Variants in CDH23 observed in about 807,000 individuals in gnomAD.
CDH23 encodes the protein cadherin related 23.
A neutral mutation model predicts 317.1 loss-of-function variants in CDH23; 189 were observed. The ratio of observed to expected loss-of-function variants is 0.60; its 90% confidence interval spans 0.53 to 0.67. CDH23 has a LOEUF of 0.67. Ranked by LOEUF, CDH23 falls within the 30% of genes least tolerant of loss-of-function variation. The probability of loss-of-function intolerance (pLI) is 0.00; values close to 1 mark genes in which losing one functional copy is unlikely to be tolerated. For missense variants in CDH23, 4,401 were observed against 4,592.4 expected, an observed-to-expected ratio of 0.96 and a Z score of 1.20; for synonymous variants, 1,839 against 1,876.8, an observed-to-expected ratio of 0.98 and a Z score of 0.52.
At chr10:71,607,207 T>A (rs963721652) in intron 9 of CDH23, among the ~76,000 whole-genome samples, 1 of 152,248 alleles carries the variant, frequency 6.6e-6, no homozygotes, top group Admixed American at 6.5e-5. Context: ...CAAGCCAGCC[T>A]GCCCCAGGGG....
intron 38 of CDH23, chr10:71,752,019 A>C: frequency 1.2e-6 from 1 of 849,436 alleles, no homozygotes; most frequent in Non-Finnish European, 1.9e-6. Flanking sequence ...CCAGGCCCAC[A>C]GAGCAAAGGC....
chr10:71,639,745 G>A (rs1001717802), intron 11 of CDH23, among the ~76,000 whole-genome samples: 1 of 152,130 alleles, frequency 6.6e-6, no homozygotes, highest in Non-Finnish European at 1.5e-5. Context: ...TGTCATAGCC[G>A]GGCTTCACAA....
chr10:71,436,189 C>A (rs529748550), intron 1 of CDH23, among the ~76,000 whole-genome samples: 1 of 152,364 alleles, frequency 6.6e-6, no homozygotes, highest in Admixed American at 6.5e-5. Context: ...GCAGTCCCTG[C>A]CAATCCTGCA....
chr10:71,517,034 G>A (rs533654574), intron 6 of CDH23, among the ~76,000 whole-genome samples: 21 of 152,332 alleles, frequency 1.4e-4, no homozygotes, highest in East Asian at 3.9e-4. Context: ...CAGGCCTGGC[G>A]TATGGACTGT....
At chr10:71,449,902 C>T (rs949196903) in intron 3 of CDH23, among the ~76,000 whole-genome samples, 4 of 152,238 alleles carry the variant, frequency 2.6e-5, no homozygotes, top group Non-Finnish European at 5.9e-5. Flanking sequence ...ATCTCAGGCT[C>T]CAGTTCCCTC....
intron 3 of CDH23, among the ~76,000 whole-genome samples, chr10:71,477,682 C>T (rs1379103754): frequency 6.6e-6 from 1 of 152,224 alleles, no homozygotes; most frequent in Non-Finnish European, 1.5e-5. Flanking sequence ...GCACCTCAGA[C>T]ACCAAGTCTT....
Position 71,732,025 on chromosome 10 carries a change from G to C in CDH23, c.3754G>C (p.Ala1252Pro). The C allele has an allele frequency of 6.2e-7, 1 of 1,613,970 alleles. No homozygotes were observed. Among genetic ancestry groups the C allele is most frequent in the Non-Finnish European group, 8.5e-7 (1 of 1,179,874 alleles). Residue 1252 changes from alanine (A) to proline (P), a missense_variant, in exon 32 of 70, where the codon GCA becomes CCA. Physicochemically the swap from Ala to Pro is conservative, Grantham distance 27 (BLOSUM62 -1). This residue lies in a region of CDH23 where 3,068 missense variants were observed against 3,203.3 expected (regional missense o/e 0.96). Coordinates refer to ENST00000224721, the MANE Select transcript of CDH23 (RefSeq NM_022124.6). The part of the protein sequence containing the change: ...GLVNYRILSG[A>P]EGKFEIDEST... ...GGTGAACTACCGCATCCTGTCGGGC[G>C]CAGAGGGGAAGTTTGAGATTGACGA...
At chr10:71,587,620 A>G (rs192342890) in intron 9 of CDH23, among the ~76,000 whole-genome samples, 1 of 152,314 alleles carries the variant, frequency 6.6e-6, no homozygotes, top group East Asian at 1.9e-4. Flanking sequence ...GACCAGGGAA[A>G]TTTCAGCTGC....
intron 60 of CDH23, 41 bp from the exon 61 acceptor site, chr10:71,809,779 C>G (rs574588927): frequency 6.3e-7 from 1 of 1,594,300 alleles, no homozygotes; most frequent in Non-Finnish European, 8.6e-7. Flanking sequence ...ATTCGGGGCA[C>G]TGAGTCTCTG....
At chr10:71,761,349 GCCTCACA>G (rs1589405342) in intron 38 of CDH23, among the ~76,000 whole-genome samples, 1 of 152,276 alleles carries the variant, frequency 6.6e-6, no homozygotes, top group East Asian at 1.9e-4. Flanking sequence ...GGTACCTACA[GCCTCACA>G]CATTAAAAAG....
chr10:71,509,818 A>G (rs1275391942), intron 3 of CDH23: 4 of 486,840 alleles, frequency 8.2e-6, no homozygotes, highest in African/African-American at 3.9e-5. Context: ...GGCAGAAGTC[A>G]TAAGTGTCTT....
intron 9 of CDH23, among the ~76,000 whole-genome samples, chr10:71,583,829 G>C (rs1858830073): frequency 1.3e-5 from 2 of 152,112 alleles, no homozygotes; most frequent in South Asian, 4.1e-4. Flanking sequence ...AAGGCTCAGA[G>C]AGTTTACATA....
intron 22 of CDH23, among the ~76,000 whole-genome samples, chr10:71,701,255 C>T (rs529142551): frequency 1.3e-5 from 2 of 152,276 alleles, no homozygotes; most frequent in African/African-American, 4.8e-5. Flanking sequence ...GGTTGGAGGA[C>T]GAGGGAGCTT....
intron 6 of CDH23, among the ~76,000 whole-genome samples, chr10:71,549,977 G>A (rs1391331517): frequency 6.6e-6 from 1 of 152,128 alleles, no homozygotes; most frequent in Non-Finnish European, 1.5e-5. Context: ...GGTTTATCTA[G>A]CTATCCCTGC....
intron 24 of CDH23, among the ~76,000 whole-genome samples, chr10:71,702,927 A>T (rs1435822172): frequency 1.3e-5 from 2 of 152,184 alleles, no homozygotes; most frequent in African/African-American, 4.8e-5. Context: ...AGTCATGTCC[A>T]AGTTTCTCAG....
intron 38 of CDH23, among the ~76,000 whole-genome samples, chr10:71,763,749 G>A (rs1036209275): frequency 4.6e-5 from 7 of 152,350 alleles, no homozygotes; most frequent in East Asian, 3.9e-4. Context: ...GCGAGTAGTC[G>A]GCGCTTGGTA....
At chr10:71,787,391 G>A (rs1211113057) in intron 44 of CDH23, among the ~76,000 whole-genome samples, 1 of 148,380 alleles carries the variant, frequency 6.7e-6, no homozygotes, top group Non-Finnish European at 1.5e-5. Context: ...ATATTGTGTA[G>A]TGGTGAAGAC....
intron 7 of CDH23, among the ~76,000 whole-genome samples, chr10:71,570,254 C>T (rs1190095578): frequency 6.6e-6 from 1 of 152,164 alleles, no homozygotes; most frequent in African/African-American, 2.4e-5. Flanking sequence ...CTCATGAATG[C>T]AGGGACACAG....
At chr10:71,720,357 C>G (rs916873034) in intron 28 of CDH23, among the ~76,000 whole-genome samples, 1 of 151,952 alleles carries the variant, frequency 6.6e-6, no homozygotes. Flanking sequence ...GACGGACCTC[C>G]AAGGCCATGC....
Sources: allele counts gnomAD v4.1 joint callset (sites outside exome capture counted in the v4.1 genomes callset), GRCh38; gene constraint gnomAD v4.1.1; regional missense constraint gnomAD v4.1.1; transcripts MANE v1.5; gene names NCBI Gene and HGNC (gene_info 2026-07-23, HGNC 2026-07-21).